BMPR1B: variants seen among roughly 807,000 people sequenced by gnomAD.
BMPR1B encodes bone morphogenetic protein receptor type-1B.
Under a neutral mutation model 59.1 loss-of-function variants are expected in BMPR1B, and 12 were observed. That is an observed-to-expected ratio of 0.20 (90% CI 0.13 to 0.33). The LOEUF (loss-of-function observed/expected upper bound fraction) is 0.33, where lower values mean the gene tolerates loss of function less well. Ranked by LOEUF, BMPR1B falls within the 10% of genes least tolerant of loss-of-function variation. The pLI, the probability that BMPR1B is intolerant of heterozygous loss-of-function variation, is 1.00. For missense variants in BMPR1B, 550 were observed against 610.9 expected, an observed-to-expected ratio of 0.90 and a Z score of 1.05; for synonymous variants, 237 against 207.3, an observed-to-expected ratio of 1.14 and a Z score of -1.23.
chr4:94,820,548 T>C (rs933020804), intron 1 of BMPR1B, among the ~76,000 whole-genome samples: 6 of 152,232 alleles, frequency 3.9e-5, no homozygotes, highest in African/African-American at 1.4e-4. Flanking sequence ...GATTAAAACA[T>C]GTTTTTCTCA....
intron 3 of BMPR1B, among the ~76,000 whole-genome samples, chr4:95,088,415 G>A (rs1292913944): frequency 6.6e-6 from 1 of 152,036 alleles, no homozygotes; most frequent in Non-Finnish European, 1.5e-5. Context: ...CTTTATTGGT[G>A]TGAAATGAGA....
intron 1 of BMPR1B, among the ~76,000 whole-genome samples, chr4:94,793,727 G>A (rs1355713536): frequency 2.1e-5 from 3 of 144,790 alleles, no homozygotes; most frequent in Non-Finnish European, 3.0e-5. Flanking sequence ...GTGTGAGATG[G>A]TATCTCATTG....
At chr4:94,978,836 A>G (rs2060494598) in intron 2 of BMPR1B, among the ~76,000 whole-genome samples, 1 of 152,030 alleles carries the variant, frequency 6.6e-6, no homozygotes, top group African/African-American at 2.4e-5. Context: ...AAAGAGGTTT[A>G]ATGAACTCAC....
chr4:94,766,087 G>A (rs1266989206), intron 1 of BMPR1B, among the ~76,000 whole-genome samples: 3 of 152,106 alleles, frequency 2.0e-5, no homozygotes, highest in Admixed American at 6.6e-5. Context: ...GTAAACACAA[G>A]CGTTTGATAA....
At chr4:94,898,291 A>G (rs1727667635) in intron 2 of BMPR1B, among the ~76,000 whole-genome samples, 1 of 151,948 alleles carries the variant, frequency 6.6e-6, no homozygotes, top group South Asian at 2.1e-4. Flanking sequence ...ATGTAGTTTA[A>G]ATTTGCTACT....
intron 2 of BMPR1B, among the ~76,000 whole-genome samples, chr4:94,918,680 T>C (rs1322063734): frequency 2.2e-5 from 3 of 139,020 alleles, no homozygotes; most frequent in African/African-American, 8.8e-5. Flanking sequence ...TAAGACACTG[T>C]TTAAAAAAAA....
chr4:95,128,051 A>G (rs181985934), intron 8 of BMPR1B, among the ~76,000 whole-genome samples: 1 of 151,984 alleles, frequency 6.6e-6, no homozygotes, highest in East Asian at 1.9e-4. Context: ...ACACCTGGCT[A>G]ATTTTCATAT....
chr4:95,027,554 T>C (rs2149148373), intron 3 of BMPR1B, among the ~76,000 whole-genome samples: 1 of 152,288 alleles, frequency 6.6e-6, no homozygotes, highest in Non-Finnish European at 1.5e-5. Flanking sequence ...GTGATGAAAA[T>C]GGTGTAGGAT....
At chr4:94,848,926 A>G (rs943084868) in intron 1 of BMPR1B, among the ~76,000 whole-genome samples, 2 of 152,248 alleles carry the variant, frequency 1.3e-5, no homozygotes, top group Admixed American at 6.5e-5. Context: ...GTTCCCATTC[A>G]TAAGGCTGAG....
chr4:94,854,597 G>T (rs1039808914), intron 1 of BMPR1B, among the ~76,000 whole-genome samples: 1 of 152,108 alleles, frequency 6.6e-6, no homozygotes, highest in Admixed American at 6.5e-5. Context: ...TATGTAAAAT[G>T]CAGTAAGGTT....
intron 3 of BMPR1B, among the ~76,000 whole-genome samples, chr4:95,090,696 A>G (rs1384977683): frequency 6.6e-6 from 1 of 152,048 alleles, no homozygotes; most frequent in Non-Finnish European, 1.5e-5. Flanking sequence ...TATGGTAAAT[A>G]TTTCTTAATA....
At chr4:94,927,815 A>G (rs1728946795) in intron 2 of BMPR1B, among the ~76,000 whole-genome samples, 1 of 152,160 alleles carries the variant, frequency 6.6e-6, no homozygotes, top group African/African-American at 2.4e-5. Context: ...GAATGCATTC[A>G]GAAAGTTGCA....
At chr4:94,831,456 T>G (rs1197915703) in intron 1 of BMPR1B, among the ~76,000 whole-genome samples, 2 of 152,148 alleles carry the variant, frequency 1.3e-5, no homozygotes, top group African/African-American at 4.8e-5. Flanking sequence ...GTATACAATG[T>G]TTATAAAGTC....
At chr4:95,127,464 C>T (rs1329420313) in intron 8 of BMPR1B, among the ~76,000 whole-genome samples, 1 of 151,760 alleles carries the variant, frequency 6.6e-6, no homozygotes, top group Non-Finnish European at 1.5e-5. Flanking sequence ...AATGTATTAT[C>T]GTTAGAAAAA....
At chr4:94,866,454 C>T (rs553806489) in intron 1 of BMPR1B, among the ~76,000 whole-genome samples, 19 of 152,298 alleles carry the variant, frequency 1.2e-4, no homozygotes, top group African/African-American at 4.1e-4. Flanking sequence ...CTGCTAAACT[C>T]CTCCTTTAGC....
intron 2 of BMPR1B, among the ~76,000 whole-genome samples, chr4:94,882,124 C>T (rs1485554214): frequency 6.6e-6 from 1 of 152,092 alleles, no homozygotes; most frequent in Non-Finnish European, 1.5e-5. Context: ...CTGTCCCCCT[C>T]ACTGTTTTTT....
intron 1 of BMPR1B, among the ~76,000 whole-genome samples, chr4:94,858,741 T>C (rs1267137507): frequency 6.6e-6 from 1 of 152,210 alleles, no homozygotes; most frequent in Non-Finnish European, 1.5e-5. Flanking sequence ...CTAGTTGCTG[T>C]TGATGGTTGA....
In BMPR1B at chr4:95,057,558, C is replaced by T. The variant is rs147869540; in HGVS notation, c.-17-46850C>T. On this transcript the variant is annotated intron_variant, in intron 3 of 12. Transcript: ENST00000515059. The stretch of plus-strand genomic sequence containing the variant: ...TTTGGAGGGAGAATTTGATTGGCTG[C>T]GGACCCTTAGAATAATCAAAGGTAA... Among the ~76,000 whole-genome samples, 874 of 152,070 alleles carry T rather than the reference C, an allele frequency of 5.7e-3. 5 individuals carry two copies. The highest frequency in any genetic ancestry group is 0.017 in the African/African-American group (710 of 41,498).
intron 3 of BMPR1B, among the ~76,000 whole-genome samples, chr4:95,060,484 A>G (rs1283466135): frequency 1.3e-5 from 2 of 152,220 alleles, no homozygotes; most frequent in African/African-American, 4.8e-5. Flanking sequence ...ATGATGAAGA[A>G]GGGATAAGGA....
Sources: gnomAD v4.1 joint callset for allele counts (sites outside exome capture counted in the v4.1 genomes callset) on GRCh38, gnomAD v4.1.1 for gene constraint, MANE v1.5 for transcripts, NCBI Gene and HGNC (gene_info 2026-07-23, HGNC 2026-07-21) for gene names.